The following CDK14 variants were observed in gnomAD, a reference collection of about 807,000 sequenced individuals.
CDK14 encodes cyclin-dependent kinase 14.
A neutral mutation model predicts 60.7 loss-of-function variants in CDK14; 34 were observed. That is an observed-to-expected ratio of 0.56 (90% CI 0.43 to 0.75). The LOEUF (loss-of-function observed/expected upper bound fraction) is 0.75, where lower values mean the gene tolerates loss of function less well. CDK14 is among the 30% of genes least tolerant of loss of function. The pLI is 0.00. For missense variants in CDK14, 482 were observed against 564.1 expected (o/e 0.85, Z 1.47); for synonymous variants, 197 against 203.7 (o/e 0.97, Z 0.28).
intron 8 of CDK14, among the ~76,000 whole-genome samples, chr7:90,928,142 C>T (rs1793478398): frequency 1.3e-5 from 2 of 152,220 alleles, no homozygotes; most frequent in South Asian, 2.1e-4. Context: ...TTTTTAGCTT[C>T]TTTGCGATGG....
intron 2 of CDK14, among the ~76,000 whole-genome samples, chr7:90,607,470 T>C (rs1584737808): frequency 6.6e-6 from 1 of 152,216 alleles, no homozygotes; most frequent in Non-Finnish European, 1.5e-5. Flanking sequence ...CTCTAGAGTA[T>C]GTGTCAAATG....
chr7:90,896,327 A>G (rs1792336804), intron 6 of CDK14, among the ~76,000 whole-genome samples: 1 of 151,576 alleles, frequency 6.6e-6, no homozygotes, highest in Admixed American at 6.6e-5. Context: ...TCCCTTTCTC[A>G]TTCTCTCTCT....
chr7:90,814,833 T>A lies in CDK14; in HGVS notation c.544+24181T>A, dbSNP rs139736919. Among the ~76,000 whole-genome samples the A allele has an allele frequency of 6.4e-3, 972 of 152,280 alleles. 6 individuals are homozygous for A. Among genetic ancestry groups the A allele is most frequent in the Admixed American group, 0.01 (154 of 15,296 alleles). ...ATGCAGCCAGGAAGCTGATTGTAAA[T>A]GGCAACTGACAAGCTGAACTTTTAT... is the stretch of plus-strand genomic sequence containing the variant. On this transcript the variant is annotated intron_variant, in intron 5 of 14. Transcript: ENST00000380050.
At chr7:90,708,688 C>A (rs1801955753) in intron 2 of CDK14, among the ~76,000 whole-genome samples, 2 of 152,164 alleles carry the variant, frequency 1.3e-5, no homozygotes, top group Admixed American at 1.3e-4. Flanking sequence ...TTCTCATCAT[C>A]ATTGTATACC....
intron 13 of CDK14, among the ~76,000 whole-genome samples, chr7:91,116,632 C>T (rs1020198754): frequency 3.3e-5 from 5 of 152,236 alleles, no homozygotes; most frequent in Middle Eastern, 3.4e-3. Context: ...ACCTTCAGTT[C>T]GTAGACTTTC....
intron 8 of CDK14, among the ~76,000 whole-genome samples, chr7:90,919,931 G>C (rs73407418): frequency 4.6e-5 from 7 of 152,220 alleles, no homozygotes; most frequent in Non-Finnish European, 8.8e-5. Flanking sequence ...CAGAAGGATC[G>C]TGCCCATGCA....
chr7:90,942,885 A>G (rs3808252), intron 8 of CDK14, among the ~76,000 whole-genome samples: 61,985 of 152,066 alleles, frequency 0.41, 13,199 homozygotes, highest in East Asian at 0.52. Flanking sequence ...GAATAAAGAA[A>G]CAGCCTCAAA....
intron 14 of CDK14, among the ~76,000 whole-genome samples, chr7:91,176,001 T>C (rs1801735991): frequency 6.6e-6 from 1 of 152,180 alleles, no homozygotes; most frequent in Non-Finnish European, 1.5e-5. Flanking sequence ...ATCAACAGAA[T>C]ACACATTCTT....
At chr7:90,751,336 C>T (rs144934826) in intron 4 of CDK14, among the ~76,000 whole-genome samples, 2 of 151,978 alleles carry the variant, frequency 1.3e-5, no homozygotes, top group Non-Finnish European at 2.9e-5. Flanking sequence ...TCAGAAGAAA[C>T]CTTACAAGCC....
intron 10 of CDK14, among the ~76,000 whole-genome samples, chr7:91,009,487 C>T (rs1365980917): frequency 6.6e-6 from 1 of 152,152 alleles, no homozygotes; most frequent in Non-Finnish European, 1.5e-5. Context: ...ACATTGCCAC[C>T]AGCAGTGTAT....
chr7:91,025,584 T>C (rs1245381966), intron 10 of CDK14, among the ~76,000 whole-genome samples: 1 of 152,190 alleles, frequency 6.6e-6, no homozygotes, highest in African/African-American at 2.4e-5. Context: ...ATAGGTGGCC[T>C]TGATCATATG....
At chr7:90,825,581 A>G (rs1050663271) in intron 5 of CDK14, among the ~76,000 whole-genome samples, 1 of 152,222 alleles carries the variant, frequency 6.6e-6, no homozygotes, top group Non-Finnish European at 1.5e-5. Flanking sequence ...GAAATTGTGT[A>G]TACAAACTGT....
rs184290237 is a variant in CDK14, at chr7:91,040,125, A to G, written c.1042-5772A>G. ...CCTTCTCACCATCACCCATGAGGCCACTGGATCCTGAAACCTTTCTCCTCG... is the reference window on the plus strand; with the variant it reads ...CCTTCTCACCATCACCCATGAGGCCGCTGGATCCTGAAACCTTTCTCCTCG... On this transcript the variant is annotated intron_variant, in intron 10 of 14. Transcript: ENST00000380050. 4.3e-4 allele frequency among the ~76,000 whole-genome samples: 66 copies of G among 152,248 alleles called. 3 individuals carry two copies. In the South Asian group the frequency reaches 0.014, roughly 32 times the overall value.
intron 14 of CDK14, among the ~76,000 whole-genome samples, chr7:91,123,627 C>A (rs542501909): frequency 2.6e-4 from 39 of 152,228 alleles, no homozygotes; most frequent in Non-Finnish European, 5.0e-4. Context: ...CCCCACCTTA[C>A]CTTAGCTTCC....
At chr7:90,697,299 C>T (rs1023908185) in intron 2 of CDK14, among the ~76,000 whole-genome samples, 3 of 152,052 alleles carry the variant, frequency 2.0e-5, no homozygotes, top group South Asian at 2.1e-4. Context: ...TATCTACAGT[C>T]GCTATAACAT....
At chr7:91,040,624 A>G (rs1797062285) in intron 10 of CDK14, among the ~76,000 whole-genome samples, 1 of 152,212 alleles carries the variant, frequency 6.6e-6, no homozygotes, top group Non-Finnish European at 1.5e-5. Flanking sequence ...TTGAAGTGGG[A>G]ATCTGGTGCT....
At chr7:90,714,862 G>T (rs893144053) in intron 2 of CDK14, among the ~76,000 whole-genome samples, 2 of 151,990 alleles carry the variant, frequency 1.3e-5, no homozygotes, top group Non-Finnish European at 2.9e-5. Context: ...TAAAAAGATG[G>T]CTATTGTAGA....
At chr7:91,153,239 A>G (rs1800874372) in intron 14 of CDK14, among the ~76,000 whole-genome samples, 1 of 152,210 alleles carries the variant, frequency 6.6e-6, no homozygotes. Context: ...ATTTATAATA[A>G]CAGATGCTGG....
chr7:91,080,257 C>CAT (rs3840672), intron 12 of CDK14, among the ~76,000 whole-genome samples: 121,986 of 151,880 alleles, frequency 0.8, 49,370 homozygotes, highest in East Asian at 0.93. Context: ...ACTGTTATCA[C>CAT]GTTTAATTTT....
Sources: gnomAD v4.1 joint callset for allele counts (sites outside exome capture counted in the v4.1 genomes callset) on GRCh38, gnomAD v4.1.1 for gene constraint, MANE v1.5 for transcripts, NCBI Gene and HGNC (gene_info 2026-07-23, HGNC 2026-07-21) for gene names.